Variants in PRKACB observed in about 807,000 individuals in gnomAD.
PRKACB encodes cAMP-dependent protein kinase catalytic subunit beta.
Under a neutral mutation model 51.4 loss-of-function variants are expected in PRKACB, and 16 were observed. The observed-to-expected ratio is 0.31, with a 90% confidence interval of 0.21 to 0.47. The LOEUF is 0.47. Ranked by LOEUF, PRKACB falls within the 20% of genes least tolerant of loss-of-function variation. PRKACB has a pLI of 1.00. For missense variants in PRKACB, 309 were observed against 464.5 expected (o/e 0.67, Z 3.08); for synonymous variants, 147 against 154.4 (o/e 0.95, Z 0.35).
chr1:84,129,553 T>A (rs1375657863), intron 1 of PRKACB, among the ~76,000 whole-genome samples: 1 of 152,142 alleles, frequency 6.6e-6, no homozygotes, highest in African/African-American at 2.4e-5. Context: ...CACACTGAGA[T>A]TAAGGTGAAG....
chr1:84,174,243 T>C (rs1179250531), intron 1 of PRKACB, among the ~76,000 whole-genome samples: 2 of 151,872 alleles, frequency 1.3e-5, no homozygotes, highest in Non-Finnish European at 1.5e-5. Context: ...CATGCTCTTC[T>C]TCCATGCCAT....
chr1:84,121,526 T>C (rs1240173951), intron 1 of PRKACB, among the ~76,000 whole-genome samples: 1 of 152,096 alleles, frequency 6.6e-6, no homozygotes, highest in African/African-American at 2.4e-5. Context: ...TATTCAGATC[T>C]CTAAAATGCC....
Position 84,196,729 on chromosome 1 carries a change from A to G in PRKACB, c.674A>G (p.Gln225Arg), listed in dbSNP as rs768736138. ...LKPENLLIDH[Q>R]GYIQVTDFGF... is the part of the protein sequence containing the mutation. Reference sequence around the variant, plus strand: ...CCTGAAAATCTCTTAATTGACCATCAAGGCTATATCCAGGTATGACTTTAA... The same window carrying G: ...CCTGAAAATCTCTTAATTGACCATCGAGGCTATATCCAGGTATGACTTTAA... The change falls in exon 6 of 10, where the codon CAA becomes CGA. Residue 225 changes from glutamine to arginine, a missense_variant. Transcript: ENST00000370685. 2 of 1,612,492 alleles carry G rather than the reference A, an allele frequency of 1.2e-6. No individual in the cohort carries two copies. Among genetic ancestry groups the G allele is most frequent in the South Asian group, 1.1e-5 (1 of 91,022 alleles).
Position 84,235,593 on chromosome 1 carries a change from C to T in PRKACB, c.*288C>T, listed in dbSNP as rs546549480. Reference sequence around the variant, plus strand: ...TATCCATTTCTTCCTTTTCCAATTTCATTGGTTTTCTCTAAACAGTGCTCC... The same window carrying T: ...TATCCATTTCTTCCTTTTCCAATTTTATTGGTTTTCTCTAAACAGTGCTCC... On this transcript the variant is annotated 3_prime_UTR_variant, in exon 10 of 10. Transcript: ENST00000370685. 13 of 294,128 alleles carry T rather than the reference C, an allele frequency of 4.4e-5. No individual in the cohort carries two copies. Among genetic ancestry groups the T allele is most frequent in the Admixed American group, 2.0e-4 (4 of 20,100 alleles). The allele number at this position is 294,128 out of a possible 1,614,324, so 18.2% of individuals were successfully genotyped here.
intron 1 of PRKACB, among the ~76,000 whole-genome samples, chr1:84,171,298 C>T (rs533312038): frequency 7.3e-5 from 11 of 151,414 alleles, no homozygotes; most frequent in African/African-American, 2.2e-4. Context: ...CTGATAAAGA[C>T]GAGCAAAGAT....
intron 1 of PRKACB, among the ~76,000 whole-genome samples, chr1:84,087,302 A>C (rs1028602616): frequency 6.6e-6 from 1 of 152,348 alleles, no homozygotes; most frequent in East Asian, 1.9e-4. Flanking sequence ...AGTGGCATAG[A>C]CAGAAAATCT....
intron 9 of PRKACB, among the ~76,000 whole-genome samples, chr1:84,217,703 G>A (rs903162275): frequency 3.3e-5 from 5 of 152,186 alleles, no homozygotes; most frequent in Admixed American, 1.3e-4. Context: ...TGAGGCAGGA[G>A]GATCACTTAA....
intron 9 of PRKACB, among the ~76,000 whole-genome samples, chr1:84,222,130 G>A (rs557414140): frequency 1.3e-4 from 20 of 151,976 alleles, no homozygotes; most frequent in Middle Eastern, 3.4e-3. Flanking sequence ...ATATATATCC[G>A]TTATATCCTT....
chr1:84,166,046 A>T (rs993381585), intron 1 of PRKACB, among the ~76,000 whole-genome samples: 1 of 151,650 alleles, frequency 6.6e-6, no homozygotes, highest in Non-Finnish European at 1.5e-5. Flanking sequence ...TAACCAATAA[A>T]TATTCTTTAT....
chr1:84,235,115 G>A (rs938725163), intron 9 of PRKACB, 65 bp from the exon 10 acceptor site: 2 of 1,502,738 alleles, frequency 1.3e-6, no homozygotes, highest in East Asian at 4.5e-5. Flanking sequence ...ATTTTTCTTG[G>A]TGTTTGGAAA....
At chr1:84,086,002 T>C in intron 1 of PRKACB, 2 of 770,778 alleles carry the variant, frequency 2.6e-6, no homozygotes, top group Non-Finnish European at 4.7e-6. Flanking sequence ...CACAGTGGTG[T>C]GGACCCTGCA....
intron 4 of PRKACB, among the ~76,000 whole-genome samples, chr1:84,184,337 T>C (rs1294918280): frequency 6.6e-6 from 1 of 151,824 alleles, no homozygotes; most frequent in Admixed American, 6.6e-5. Flanking sequence ...CCTGGGGAAA[T>C]TGTTCAAAGG....
At position 84,138,655 on chromosome 1, in the gene PRKACB, G is replaced by C. The variant is rs532445877; in HGVS notation, c.47-40522G>C. On this transcript the variant is annotated intron_variant, in intron 1 of 8. Coordinates refer to the PRKACB transcript ENST00000370688. Reference sequence around the variant, plus strand: ...CACAGTTTCTTCTGGAAAAATATAAGACAGAATACTTCTCAACTTATTTTG... The same window carrying C: ...CACAGTTTCTTCTGGAAAAATATAACACAGAATACTTCTCAACTTATTTTG... Among the ~76,000 whole-genome samples the C allele has an allele frequency of 2.1e-4, 32 of 152,164 alleles. No homozygotes were observed. The South Asian group carries it at 3.9e-3, about 19-fold the overall frequency.
chr1:84,104,148 C>T (rs1649554149), intron 1 of PRKACB, among the ~76,000 whole-genome samples: 1 of 152,172 alleles, frequency 6.6e-6, no homozygotes. Context: ...CTCTTCCCAA[C>T]TTTTAATAAC....
chr1:84,107,175 A>G (rs1024774749), intron 1 of PRKACB, among the ~76,000 whole-genome samples: 2 of 152,042 alleles, frequency 1.3e-5, no homozygotes, highest in African/African-American at 2.4e-5. Context: ...TATAAAATGG[A>G]TATATGTGTC....
chr1:84,152,873 T>C (rs1655008457), intron 1 of PRKACB, among the ~76,000 whole-genome samples: 1 of 152,196 alleles, frequency 6.6e-6, no homozygotes, highest in African/African-American at 2.4e-5. Context: ...AGTAACTTTT[T>C]TCTTTTGCAT....
At chr1:84,175,847 T>G in intron 1 of PRKACB, 1 of 1,424,466 alleles carries the variant, frequency 7.0e-7, no homozygotes, top group Non-Finnish European at 9.4e-7. Flanking sequence ...GATAGACTAT[T>G]TAAATCATAC....
intron 7 of PRKACB, among the ~76,000 whole-genome samples, 157 bp downstream of exon 7, chr1:84,197,981 T>C: frequency 6.6e-6 from 1 of 152,168 alleles, no homozygotes; most frequent in East Asian, 1.9e-4. Flanking sequence ...AGAATTATTA[T>C]TTAGCATCTA....
intron 1 of PRKACB, chr1:84,078,423 C>G: frequency 6.3e-7 from 1 of 1,591,238 alleles, no homozygotes; most frequent in East Asian, 2.3e-5. Flanking sequence ...GCGCGGGGCA[C>G]CGAGCGCCCT....
Sources: allele counts gnomAD v4.1 joint callset (sites outside exome capture counted in the v4.1 genomes callset), GRCh38; gene constraint gnomAD v4.1.1; transcripts MANE v1.5; gene names NCBI Gene and HGNC (gene_info 2026-07-23, HGNC 2026-07-21).